RGS8: variants seen among roughly 807,000 people sequenced by gnomAD.
The protein encoded by RGS8 is regulator of G protein signaling 8, also known as regulator of G-protein signaling 8.
Under a neutral mutation model 21.7 loss-of-function variants are expected in RGS8, and 8 were observed. The ratio of observed to expected loss-of-function variants is 0.37; its 90% CI spans 0.22 to 0.66. The LOEUF (loss-of-function observed/expected upper bound fraction) is 0.66, where lower values mean the gene tolerates loss of function less well. Ranked by LOEUF, RGS8 falls within the 30% of genes least tolerant of loss-of-function variation. RGS8 has a pLI of 0.59. For synonymous variants in RGS8, 80 were observed against 83.6 expected, an observed-to-expected ratio of 0.96 and a Z score of 0.24; for missense variants, 157 against 217.9, an observed-to-expected ratio of 0.72 and a Z score of 1.76.
intron 5 of RGS8, among the ~76,000 whole-genome samples, chr1:182,652,441 G>T (rs1326756984): frequency 3.6e-4 from 55 of 152,190 alleles, no homozygotes; most frequent in Non-Finnish European, 1.5e-5. Context: ...GCTCCCAGGA[G>T]CCTTGCTTTA....
chr1:182,665,343 T>C (rs1198449336), intron 5 of RGS8, among the ~76,000 whole-genome samples: 1 of 152,080 alleles, frequency 6.6e-6, no homozygotes, highest in Non-Finnish European at 1.5e-5. Context: ...CACCACAATA[T>C]GCACAACTAT....
At chr1:182,700,333 A>T in the RGS8 span, among the ~76,000 whole-genome samples, 1 of 151,582 alleles carries the variant, frequency 6.6e-6, no homozygotes, top group Admixed American at 6.6e-5. Context: ...CCCCAACATG[A>T]CCCCCAAAAC....
the RGS8 span, among the ~76,000 whole-genome samples, chr1:182,691,006 T>G: frequency 6.6e-6 from 1 of 152,170 alleles, no homozygotes; most frequent in Admixed American, 6.5e-5. Context: ...TTTGATCCAG[T>G]CCCCTGTATT....
the RGS8 span, among the ~76,000 whole-genome samples, chr1:182,699,959 T>C: frequency 1.3e-5 from 2 of 152,140 alleles, no homozygotes; most frequent in African/African-American, 4.8e-5. Context: ...GTGCCTGCCC[T>C]GGATAAGATC....
At chr1:182,742,070 C>T in the RGS8 span, among the ~76,000 whole-genome samples, 1 of 149,476 alleles carries the variant, frequency 6.7e-6, no homozygotes, top group Non-Finnish European at 1.5e-5. Context: ...GACGGGGCGG[C>T]AGGGCAGAGG....
chr1:182,682,529 T>C (rs1424651585), intron 1 of RGS8, among the ~76,000 whole-genome samples: 2 of 152,218 alleles, frequency 1.3e-5, no homozygotes, highest in Non-Finnish European at 2.9e-5. Flanking sequence ...GGCAAGTACC[T>C]GGCAAAGTTG....
At chr1:182,668,754 C>T (rs1663999737) in intron 3 of RGS8, among the ~76,000 whole-genome samples, 1 of 152,222 alleles carries the variant, frequency 6.6e-6, no homozygotes, top group African/African-American at 2.4e-5. Context: ...TATTCTCTCT[C>T]CTGCGACAGC....
rs761916566 is a variant in RGS8 at position 182,671,717 on chromosome 1, C to T, written c.-164G>A. 1.9e-5 allele frequency: 31 copies of T among 1,613,972 alleles called. No individual in the cohort carries two copies. The highest frequency in any genetic ancestry group is 2.7e-5 in the African/African-American group (2 of 74,876). Reference sequence around the variant, plus strand: ...GCCAACTGGATGGTCAGAGAGGCTTCGGGTTAAGGTGTTCTGGGGAAAAAG... The same window carrying T: ...GCCAACTGGATGGTCAGAGAGGCTTTGGGTTAAGGTGTTCTGGGGAAAAAG... On this transcript the variant is annotated 5_prime_UTR_variant, in exon 2 of 7. Coordinates refer to ENST00000483095, the Ensembl canonical transcript of RGS8.
chr1:182,705,623 T>C, the RGS8 span, among the ~76,000 whole-genome samples: 1 of 136,666 alleles, frequency 7.3e-6, no homozygotes, highest in Non-Finnish European at 1.6e-5. Flanking sequence ...ATAATACTCA[T>C]TGAATCAGTA....
At chr1:182,713,906 A>T in the RGS8 span, among the ~76,000 whole-genome samples, 1 of 152,220 alleles carries the variant, frequency 6.6e-6, no homozygotes, top group African/African-American at 2.4e-5. Context: ...AGTACATAAA[A>T]CAGAAACAAG....
At chr1:182,681,355 C>T (rs1311105208) in intron 1 of RGS8, among the ~76,000 whole-genome samples, 1 of 152,186 alleles carries the variant, frequency 6.6e-6, no homozygotes, top group Non-Finnish European at 1.5e-5. Context: ...AAAGCTTTAC[C>T]ATTTGCCATC....
chr1:182,681,659 T>C (rs570376953), intron 1 of RGS8, among the ~76,000 whole-genome samples: 143 of 152,302 alleles, frequency 9.4e-4, no homozygotes, highest in Non-Finnish European at 1.8e-3. Flanking sequence ...CACACAGAAC[T>C]GGGAACTGAG....
chr1:182,726,222 A>G, the RGS8 span, among the ~76,000 whole-genome samples: 1 of 151,712 alleles, frequency 6.6e-6, no homozygotes, highest in African/African-American at 2.4e-5. Flanking sequence ...CAAAACTTCC[A>G]TGTTTTAAAG....
At chr1:182,747,234 G>T in the RGS8 span, among the ~76,000 whole-genome samples, 9 of 151,482 alleles carry the variant, frequency 5.9e-5, no homozygotes, top group Non-Finnish European at 1.3e-4. Context: ...TGTAATTTCA[G>T]CTAAGGTTAT....
rs542951911 is a variant in RGS8 at position 182,680,448 on chromosome 1, C to T, written n.221+3908G>A. Among the ~76,000 whole-genome samples, 106 of 152,276 alleles carry T rather than the reference C, an allele frequency of 7.0e-4. 1 individual carries two copies. Among genetic ancestry groups the T allele is most frequent in the Middle Eastern group, 6.8e-3 (2 of 294 alleles). ...GTGAGTCCTGCTCATCCTCAAGCTG[C>T]ACTTCAGGACGACTTCTCCAAAAGC... On this transcript the variant is annotated intron_variant and non_coding_transcript_variant, in intron 1 of 4. Transcript: ENST00000515211.
chr1:182,728,898 T>A, the RGS8 span, among the ~76,000 whole-genome samples: 1 of 152,228 alleles, frequency 6.6e-6, no homozygotes, highest in Admixed American at 6.5e-5. Flanking sequence ...CTGGGCTTAA[T>A]ACCTAGGTAA....
intron 1 of RGS8, among the ~76,000 whole-genome samples, chr1:182,679,223 T>G (rs1485541342): frequency 6.6e-6 from 1 of 152,180 alleles, no homozygotes. Context: ...TGAAAGAGTC[T>G]CCTCTGCTTC....
chr1:182,667,105 A>T, intron 3 of RGS8, 132 bp from the exon 5 acceptor site: 1 of 701,268 alleles, frequency 1.4e-6, no homozygotes, highest in Non-Finnish European at 2.5e-6. Context: ...GTCTCTGAAG[A>T]CTTCATGAAC....
chr1:182,709,651 G>A, the RGS8 span, among the ~76,000 whole-genome samples: 1 of 152,270 alleles, frequency 6.6e-6, no homozygotes, highest in East Asian at 1.9e-4. Flanking sequence ...CCCTGCCTAG[G>A]TGGCAAGTAA....
Sources: gnomAD v4.1 joint callset for allele counts (sites outside exome capture counted in the v4.1 genomes callset) on GRCh38, gnomAD v4.1.1 for gene constraint, MANE v1.5 for transcripts, NCBI Gene and HGNC (gene_info 2026-07-23, HGNC 2026-07-21) for gene names.